DPYD: variants seen among roughly 807,000 people sequenced by gnomAD.
The protein encoded by DPYD is dihydropyrimidine dehydrogenase, also known as dihydropyrimidine dehydrogenase [NADP(+)].
A neutral mutation model predicts 116.2 loss-of-function variants in DPYD; 109 were observed. The observed-to-expected ratio is 0.94, with a 90% confidence interval of 0.80 to 1.10. The LOEUF (loss-of-function observed/expected upper bound fraction) is 1.10. Ranked by LOEUF, DPYD falls within the 50% of genes least tolerant of loss-of-function variation. The pLI, the probability that DPYD is intolerant of heterozygous loss-of-function variation, is 0.00. For synonymous variants in DPYD, 440 were observed against 432.0 expected, an observed-to-expected ratio of 1.02 and a Z score of -0.23; for missense variants, 1,302 against 1,254.5, an observed-to-expected ratio of 1.04 and a Z score of -0.57.
At chr1:97,492,525 T>C (rs996163024) in intron 13 of DPYD, among the ~76,000 whole-genome samples, 1 of 152,200 alleles carries the variant, frequency 6.6e-6, no homozygotes, top group Non-Finnish European at 1.5e-5. Context: ...TAGCTATCAA[T>C]TGGACTATTG....
At chr1:97,592,215 G>A (rs1654567480) in intron 10 of DPYD, among the ~76,000 whole-genome samples, 1 of 152,036 alleles carries the variant, frequency 6.6e-6, no homozygotes, top group South Asian at 2.1e-4. Flanking sequence ...AATACATTTG[G>A]TTCTTGTTCT....
In DPYD at chr1:97,580,758, G is replaced by C. The variant is rs778098174; in HGVS notation, c.1129-6788C>G. 4.0e-4 allele frequency among the ~76,000 whole-genome samples: 61 copies of C among 151,978 alleles called. 1 individual carries two copies. Among genetic ancestry groups the C allele is most frequent in the Non-Finnish European group, 1.3e-4 (9 of 68,008 alleles). ...CATCAGGTACCTCATCCTCCACTAT[G>C]ACCCAGGTGATGTCTTACCCTCGCC... On this transcript the variant is annotated intron_variant, in intron 10 of 22. Coordinates refer to ENST00000370192, the MANE Select transcript of DPYD (RefSeq NM_000110.4).
At chr1:97,227,715 G>A (rs1280436307) in intron 19 of DPYD, among the ~76,000 whole-genome samples, 1 of 152,030 alleles carries the variant, frequency 6.6e-6, no homozygotes, top group Non-Finnish European at 1.5e-5. Flanking sequence ...ATAAATTTCA[G>A]TGCATTTATA....
intron 5 of DPYD, among the ~76,000 whole-genome samples, chr1:97,708,134 C>G (rs991228208): frequency 1.3e-5 from 2 of 152,030 alleles, no homozygotes; most frequent in African/African-American, 4.8e-5. Context: ...CCACACCCAG[C>G]TCAGAATTTT....
At chr1:97,345,386 C>T (rs1375153211) in intron 16 of DPYD, among the ~76,000 whole-genome samples, 1 of 150,986 alleles carries the variant, frequency 6.6e-6, no homozygotes, top group Non-Finnish European at 1.5e-5. Flanking sequence ...ATGGGCTCTA[C>T]ATTTTTGTAT....
At chr1:97,152,388 G>T (rs1208732251) in intron 20 of DPYD, among the ~76,000 whole-genome samples, 1 of 151,498 alleles carries the variant, frequency 6.6e-6, no homozygotes, top group Non-Finnish European at 1.5e-5. Context: ...AAATGCAAAG[G>T]TGCGAAGTTT....
chr1:97,554,828 C>T (rs1234103128), intron 11 of DPYD, among the ~76,000 whole-genome samples: 1 of 152,128 alleles, frequency 6.6e-6, no homozygotes, highest in East Asian at 1.9e-4. Flanking sequence ...CTGCCAGTCT[C>T]TCAGAAGATA....
intron 3 of DPYD, among the ~76,000 whole-genome samples, chr1:97,768,800 G>GA (rs1415183851): frequency 6.6e-6 from 1 of 151,908 alleles, no homozygotes; most frequent in East Asian, 1.9e-4. Context: ...CAGGTTAAAT[G>GA]AAAAGGCTAA....
chr1:97,231,220 G>A (rs866630558), intron 19 of DPYD, among the ~76,000 whole-genome samples: 6 of 152,124 alleles, frequency 3.9e-5, no homozygotes, highest in African/African-American at 1.2e-4. Flanking sequence ...GAAGACTTGC[G>A]TATTACTAAT....
At chr1:97,873,535 G>A (rs1671762167) in intron 2 of DPYD, among the ~76,000 whole-genome samples, 1 of 151,776 alleles carries the variant, frequency 6.6e-6, no homozygotes, top group East Asian at 1.9e-4. Context: ...AGAAATCTAG[G>A]TGTATGTTAG....
intron 2 of DPYD, among the ~76,000 whole-genome samples, chr1:97,838,755 G>A (rs1669898519): frequency 6.6e-6 from 1 of 152,164 alleles, no homozygotes; most frequent in African/African-American, 2.4e-5. Flanking sequence ...TGAGGCAGGA[G>A]AATGGCGTGA....
chr1:97,508,239 C>T (rs1647504689), intron 13 of DPYD, among the ~76,000 whole-genome samples: 1 of 151,910 alleles, frequency 6.6e-6, no homozygotes, highest in Non-Finnish European at 1.5e-5. Flanking sequence ...GAATGGTTAA[C>T]AAGAGCTTCT....
intron 1 of DPYD, among the ~76,000 whole-genome samples, chr1:97,904,269 T>G (rs1349159622): frequency 6.6e-6 from 1 of 152,028 alleles, no homozygotes; most frequent in East Asian, 1.9e-4. Context: ...ATTAAAACAA[T>G]GGAATAATTC....
At chr1:97,331,676 T>C (rs865828223) in intron 16 of DPYD, among the ~76,000 whole-genome samples, 1 of 152,192 alleles carries the variant, frequency 6.6e-6, no homozygotes, top group African/African-American at 2.4e-5. Context: ...AATTAAATTA[T>C]TAATAACTCC....
intron 1 of DPYD, among the ~76,000 whole-genome samples, chr1:97,887,963 G>T (rs1023316312): frequency 2.0e-5 from 3 of 152,020 alleles, no homozygotes; most frequent in Admixed American, 6.6e-5. Context: ...TGCCATGATT[G>T]TAAGTTCCCT....
intron 10 of DPYD, among the ~76,000 whole-genome samples, chr1:97,574,468 T>C (rs1303847095): frequency 6.6e-6 from 1 of 152,158 alleles, no homozygotes; most frequent in East Asian, 1.9e-4. Context: ...AGAAACTCTG[T>C]AGAACTAAGA....
intron 14 of DPYD, among the ~76,000 whole-genome samples, chr1:97,432,773 G>A (rs1244363643): frequency 6.6e-6 from 1 of 152,164 alleles, no homozygotes. Context: ...TTAGGAGACT[G>A]AGTGGATTAA....
intron 11 of DPYD, among the ~76,000 whole-genome samples, chr1:97,565,284 C>T (rs574230094): frequency 1.6e-4 from 25 of 152,160 alleles, no homozygotes; most frequent in African/African-American, 5.5e-4. Context: ...AAGATTATTA[C>T]AAATGGTGCA....
At chr1:97,528,502 C>T (rs1332278925) in intron 12 of DPYD, among the ~76,000 whole-genome samples, 2 of 152,000 alleles carry the variant, frequency 1.3e-5, no homozygotes, top group Admixed American at 6.6e-5. Context: ...AATTCAAATC[C>T]ATGTCCCATC....
Sources: allele counts gnomAD v4.1 joint callset (sites outside exome capture counted in the v4.1 genomes callset), GRCh38; gene constraint gnomAD v4.1.1; transcripts MANE v1.5; gene names NCBI Gene and HGNC (gene_info 2026-07-23, HGNC 2026-07-21).